UBE2K: variants seen among roughly 807,000 people sequenced by gnomAD.
UBE2K encodes the protein ubiquitin-conjugating enzyme E2 K.
Under a neutral mutation model 30.0 loss-of-function variants are expected in UBE2K, and 6 were observed. That is an observed-to-expected ratio of 0.20 (90% CI 0.11 to 0.39). The LOEUF (loss-of-function observed/expected upper bound fraction) is 0.39, where lower values mean the gene tolerates loss of function less well. UBE2K is among the 10% of genes least tolerant of loss of function. The pLI, the probability that UBE2K is intolerant of heterozygous loss-of-function variation, is 1.00. For missense variants in UBE2K, 61 were observed against 241.6 expected (o/e 0.25, Z 4.96); for synonymous variants, 86 against 83.7 (o/e 1.03, Z -0.15).
chr4:39,755,275 C>T (rs1049321946), intron 3 of UBE2K, among the ~76,000 whole-genome samples: 6 of 152,154 alleles, frequency 3.9e-5, no homozygotes, highest in Non-Finnish European at 7.3e-5. Flanking sequence ...CTATTCTGCA[C>T]CCTGCCTCAC....
chr4:39,780,676 A>G lies in UBE2K; in HGVS notation c.*2242A>G, dbSNP rs1394402671. ...TAAAAATTTACCTCATTTACATTTA[A>G]TGTGATGATCTTTTTTTTCCTTTCT... On this transcript the variant is annotated 3_prime_UTR_variant, in exon 7 of 7. Coordinates refer to ENST00000261427, the MANE Select transcript of UBE2K (RefSeq NM_005339.5). 1 of 152,094 alleles carries G rather than the reference A, an allele frequency of 6.6e-6. No individual in the cohort carries two copies. The highest frequency in any genetic ancestry group is 1.5e-5 in the Non-Finnish European group (1 of 67,960). The allele number at this position is 152,094 out of a possible 1,614,324, so 9.4% of individuals were successfully genotyped here. A position where few individuals can be genotyped will look rare whatever the true frequency, so the allele number is the denominator to read the frequency against.
At chr4:39,770,430 C>T in intron 4 of UBE2K, 2 of 1,612,360 alleles carry the variant, frequency 1.2e-6, no homozygotes, top group Non-Finnish European at 1.7e-6. Flanking sequence ...CTTCTCCACG[C>T]CCTGGAACAC....
intron 1 of UBE2K, among the ~76,000 whole-genome samples, chr4:39,734,737 G>A (rs1720263566): frequency 6.6e-6 from 1 of 152,190 alleles, no homozygotes; most frequent in Non-Finnish European, 1.5e-5. Flanking sequence ...ACCTGAGCTT[G>A]GGAAGTTGAG....
chr4:39,768,486 AAGAC>A (rs1430989054), intron 4 of UBE2K, among the ~76,000 whole-genome samples: 1 of 151,804 alleles, frequency 6.6e-6, no homozygotes, highest in Non-Finnish European at 1.5e-5. Flanking sequence ...GGTGAGTAGA[AAGAC>A]AAGAATGAAC....
chr4:39,771,615 G>C (rs1183108549), intron 4 of UBE2K, among the ~76,000 whole-genome samples: 1 of 152,180 alleles, frequency 6.6e-6, no homozygotes, highest in Non-Finnish European at 1.5e-5. Context: ...CCGGCTCCAC[G>C]TGGGCGTAAA....
At chr4:39,768,775 C>A (rs190291863) in intron 4 of UBE2K, among the ~76,000 whole-genome samples, 1 of 152,262 alleles carries the variant, frequency 6.6e-6, no homozygotes, top group Non-Finnish European at 1.5e-5. Context: ...GGTTTCCTTT[C>A]CTTTACATCA....
At chr4:39,758,251 C>T (rs1469295445) in intron 4 of UBE2K, among the ~76,000 whole-genome samples, 2 of 152,230 alleles carry the variant, frequency 1.3e-5, no homozygotes, top group African/African-American at 4.8e-5. Flanking sequence ...CTCCCAACAT[C>T]TTAACAGCAG....
intron 1 of UBE2K, among the ~76,000 whole-genome samples, chr4:39,725,464 C>T (rs534895862): frequency 5.5e-4 from 82 of 149,262 alleles, no homozygotes; most frequent in African/African-American, 1.9e-3. Context: ...AATCTGTGTA[C>T]CTGGGCTGTG....
At position 39,781,661 on chromosome 4, in the gene UBE2K, A is replaced by G. The variant is rs1233314907; in HGVS notation, c.*3227A>G. ...TTAAAGATTTAAGATGGATTGGGGT[A>G]GGGAACAGCTGGAGCCAGGTATACC... On this transcript the variant is annotated 3_prime_UTR_variant, in exon 7 of 7. Transcript: ENST00000261427. 3 of 346,048 alleles carry G rather than the reference A, an allele frequency of 8.7e-6. No homozygotes were observed. Among genetic ancestry groups the G allele is most frequent in the African/African-American group, 6.3e-5 (3 of 47,644 alleles). The allele number at this position is 346,048 out of a possible 1,614,324, so 21.4% of individuals were successfully genotyped here.
intron 1 of UBE2K, among the ~76,000 whole-genome samples, chr4:39,725,858 G>A (rs915616371): frequency 6.6e-6 from 1 of 152,108 alleles, no homozygotes; most frequent in Non-Finnish European, 1.5e-5. Context: ...GCCCAGGTTG[G>A]TCTTGAACTC....
intron 4 of UBE2K, among the ~76,000 whole-genome samples, chr4:39,767,978 T>G (rs1712458818): frequency 6.6e-6 from 1 of 152,116 alleles, no homozygotes; most frequent in South Asian, 2.1e-4. Context: ...ATTTCATTGG[T>G]TATATTTTGT....
chr4:39,706,848 T>C (rs1718396216), intron 1 of UBE2K, among the ~76,000 whole-genome samples: 1 of 151,958 alleles, frequency 6.6e-6, no homozygotes, highest in Admixed American at 6.6e-5. Flanking sequence ...TAGATAAAAA[T>C]GGGAGGGGCA....
intron 3 of UBE2K, among the ~76,000 whole-genome samples, chr4:39,752,659 T>C (rs1157399036): frequency 6.6e-6 from 1 of 152,148 alleles, no homozygotes; most frequent in African/African-American, 2.4e-5. Context: ...TATAAAATGC[T>C]GTGAATTCCT....
chr4:39,769,838 C>T (rs1712641683), intron 4 of UBE2K, among the ~76,000 whole-genome samples: 1 of 152,070 alleles, frequency 6.6e-6, no homozygotes, highest in South Asian at 2.1e-4. Context: ...TCTCTGGGAC[C>T]CCGTATTCCC....
intron 1 of UBE2K, among the ~76,000 whole-genome samples, chr4:39,736,976 A>G (rs1373141389): frequency 1.3e-5 from 2 of 152,186 alleles, no homozygotes; most frequent in South Asian, 2.1e-4. Context: ...GTGAGAGTTT[A>G]TGGCCTAAAT....
chr4:39,754,985 C>T (rs148161266), intron 3 of UBE2K, among the ~76,000 whole-genome samples: 1 of 152,228 alleles, frequency 6.6e-6, no homozygotes, highest in African/African-American at 2.4e-5. Context: ...TTAGCATTTT[C>T]ACTTGTTGGT....
intron 4 of UBE2K, chr4:39,770,965 C>T (rs1712768668): frequency 6.3e-7 from 1 of 1,594,358 alleles, no homozygotes; most frequent in African/African-American, 1.3e-5. Flanking sequence ...CTTTGGGGTC[C>T]TGGCTGGAGG....
At chr4:39,775,417 G>A (rs467032) in intron 5 of UBE2K, among the ~76,000 whole-genome samples, 125,621 of 152,204 alleles carry the variant, frequency 0.83, 52,354 homozygotes, top group African/African-American at 0.93. Flanking sequence ...TAGTTACAAC[G>A]GAGACTGGAC....
chr4:39,768,363 CT>C (rs1712489073), intron 4 of UBE2K, among the ~76,000 whole-genome samples: 1 of 147,166 alleles, frequency 6.8e-6, no homozygotes, highest in Non-Finnish European at 1.5e-5. Flanking sequence ...AGAAGAATTG[CT>C]TGAACCTGGG....
Sources: allele counts gnomAD v4.1 joint callset (sites outside exome capture counted in the v4.1 genomes callset), GRCh38; gene constraint gnomAD v4.1.1; transcripts MANE v1.5; gene names NCBI Gene and HGNC (gene_info 2026-07-23, HGNC 2026-07-21).